MAGI1: variants seen among roughly 807,000 people sequenced by gnomAD.
MAGI1 encodes the protein membrane associated guanylate kinase, WW and PDZ domain containing 1.
A neutral mutation model predicts 139.9 loss-of-function variants in MAGI1; 58 were observed. That is an observed-to-expected ratio of 0.41 (90% CI 0.34 to 0.52). The LOEUF (loss-of-function observed/expected upper bound fraction) is 0.52, where lower values mean the gene tolerates loss of function less well. MAGI1 is among the 20% of genes least tolerant of loss of function. MAGI1 has a pLI of 0.12. For missense variants in MAGI1, 1,874 were observed against 1,901.6 expected, an observed-to-expected ratio of 0.99 and a Z score of 0.27; for synonymous variants, 812 against 737.9, an observed-to-expected ratio of 1.10 and a Z score of -1.63.
chr3:65,935,917 T>G (rs1416823318), intron 1 of MAGI1, among the ~76,000 whole-genome samples: 1 of 152,188 alleles, frequency 6.6e-6, no homozygotes, highest in Non-Finnish European at 1.5e-5. Flanking sequence ...ACATCAGAAC[T>G]TCCAGCTCAA....
chr3:65,992,212 C>T (rs750794651), intron 1 of MAGI1, among the ~76,000 whole-genome samples: 6 of 152,096 alleles, frequency 3.9e-5, no homozygotes, highest in Non-Finnish European at 8.8e-5. Context: ...GTACCTCATA[C>T]ACTAACTGGC....
At chr3:65,486,674 A>C (rs1308545205) in intron 3 of MAGI1, among the ~76,000 whole-genome samples, 1 of 152,194 alleles carries the variant, frequency 6.6e-6, no homozygotes, top group Non-Finnish European at 1.5e-5. Flanking sequence ...TTCAAATTGT[A>C]AAGCAGAGAT....
intron 1 of MAGI1, among the ~76,000 whole-genome samples, chr3:66,015,422 TG>T (rs2067580644): frequency 6.6e-6 from 1 of 151,870 alleles, no homozygotes; most frequent in Admixed American, 6.6e-5. Context: ...CCTAAGAACC[TG>T]GTTTGTTTCC....
chr3:65,717,043 G>A (rs1368786121), intron 1 of MAGI1, among the ~76,000 whole-genome samples: 1 of 152,188 alleles, frequency 6.6e-6, no homozygotes, highest in African/African-American at 2.4e-5. Flanking sequence ...TTAAGTAAAG[G>A]ACCTTGAGAT....
At chr3:65,681,857 G>GT (rs1005543310) in intron 1 of MAGI1, among the ~76,000 whole-genome samples, 4 of 151,936 alleles carry the variant, frequency 2.6e-5, no homozygotes, top group East Asian at 3.9e-4. Context: ...GGCTTTTTTT[G>GT]TTTTTTTGTT....
rs114895082 is a variant in MAGI1, at chr3:65,723,242, C to T, written c.314-101154G>A. Among the ~76,000 whole-genome samples, 427 of 152,186 alleles carry T rather than the reference C, an allele frequency of 2.8e-3. 5 individuals carry two copies. Among genetic ancestry groups the T allele is most frequent in the African/African-American group, 9.9e-3 (409 of 41,516 alleles). The stretch of plus-strand genomic sequence containing the variant: ...CCCTTGTGGCACTGTGGGTACACCT[C>T]GGAGGAAGTGTGTGTGTTTATAAGC... On this transcript the variant is annotated intron_variant, in intron 1 of 22. Coordinates refer to ENST00000402939, the MANE Select transcript of MAGI1 (RefSeq NM_001033057.2).
intron 1 of MAGI1, among the ~76,000 whole-genome samples, chr3:65,993,043 G>A (rs987193949): frequency 2.0e-5 from 3 of 151,736 alleles, no homozygotes; most frequent in African/African-American, 7.3e-5. Context: ...ATTGCCCAGG[G>A]TGGTCTAGAA....
intron 2 of MAGI1, among the ~76,000 whole-genome samples, chr3:65,590,439 T>C (rs997264571): frequency 2.6e-5 from 4 of 152,228 alleles, no homozygotes; most frequent in Non-Finnish European, 5.9e-5. Context: ...TGTAAAGAAA[T>C]CTGAATTCAC....
At chr3:65,578,621 A>T (rs894974035) in intron 2 of MAGI1, among the ~76,000 whole-genome samples, 1 of 152,172 alleles carries the variant, frequency 6.6e-6, no homozygotes, top group South Asian at 2.1e-4. Context: ...AAGTCTCTCA[A>T]TGAGAACAGA....
chr3:65,998,856 G>A (rs1035347596), intron 1 of MAGI1, among the ~76,000 whole-genome samples: 1 of 152,158 alleles, frequency 6.6e-6, no homozygotes, highest in Admixed American at 6.5e-5. Context: ...ATAGCTTGTA[G>A]GGTTAGTGTT....
intron 1 of MAGI1, among the ~76,000 whole-genome samples, chr3:65,946,460 C>T (rs761799550): frequency 1.2e-4 from 18 of 151,110 alleles, no homozygotes; most frequent in Admixed American, 9.9e-4. Flanking sequence ...TTTTTTTTTC[C>T]GTTGGGCAGA....
At chr3:65,638,900 C>T (rs570348822) in intron 1 of MAGI1, among the ~76,000 whole-genome samples, 26 of 152,122 alleles carry the variant, frequency 1.7e-4, no homozygotes, top group African/African-American at 4.8e-4. Context: ...AGCCACCAGG[C>T]GTGGCCGTGG....
At chr3:65,416,505 G>A (rs1259356157) in intron 12 of MAGI1, among the ~76,000 whole-genome samples, 1 of 152,210 alleles carries the variant, frequency 6.6e-6, no homozygotes, top group African/African-American at 2.4e-5. Flanking sequence ...TGGGGAAGCT[G>A]TGATTAACCA....
At chr3:65,844,880 A>G (rs757653290) in intron 1 of MAGI1, among the ~76,000 whole-genome samples, 48 of 152,304 alleles carry the variant, frequency 3.2e-4, no homozygotes, top group African/African-American at 8.2e-4. Context: ...AAGTTTAGGA[A>G]GACATCAGCA....
chr3:65,890,533 C>G (rs1012497417), intron 1 of MAGI1, among the ~76,000 whole-genome samples: 1 of 152,166 alleles, frequency 6.6e-6, no homozygotes, highest in East Asian at 1.9e-4. Context: ...CTGAACAAGG[C>G]CCAGCACAGA....
At chr3:65,564,165 G>T (rs978402086) in intron 2 of MAGI1, among the ~76,000 whole-genome samples, 4 of 151,846 alleles carry the variant, frequency 2.6e-5, no homozygotes, top group African/African-American at 9.7e-5. Flanking sequence ...AAACCAACTG[G>T]AACGGAGTGC....
chr3:66,009,292 C>G (rs1157378632), intron 1 of MAGI1: 1 of 151,948 alleles, frequency 6.6e-6, no homozygotes, highest in Non-Finnish European at 1.5e-5. Context: ...GGCGGATCAC[C>G]TGAGGTCAAG....
At chr3:65,598,107 A>T (rs1472998619) in intron 2 of MAGI1, among the ~76,000 whole-genome samples, 1 of 152,196 alleles carries the variant, frequency 6.6e-6, no homozygotes, top group African/African-American at 2.4e-5. Flanking sequence ...AACACATGAC[A>T]ACAATTTCCA....
At chr3:65,677,600 A>G (rs564743380) in intron 1 of MAGI1, among the ~76,000 whole-genome samples, 10 of 152,330 alleles carry the variant, frequency 6.6e-5, no homozygotes, top group African/African-American at 2.4e-4. Context: ...ACCCAGACTT[A>G]TGATTTAAGA....
Sources: gnomAD v4.1 joint callset for allele counts (sites outside exome capture counted in the v4.1 genomes callset) on GRCh38, gnomAD v4.1.1 for gene constraint, MANE v1.5 for transcripts, NCBI Gene and HGNC (gene_info 2026-07-23, HGNC 2026-07-21) for gene names.